EFCAB6: variants seen among roughly 807,000 people sequenced by gnomAD.
EFCAB6 encodes EF-hand calcium-binding domain-containing protein 6.
A neutral mutation model predicts 169.8 loss-of-function variants in EFCAB6; 156 were observed. The observed-to-expected ratio is 0.92, with a 90% CI of 0.81 to 1.05. EFCAB6 has a LOEUF of 1.05. Among genes scored for constraint, EFCAB6 ranks in the 50% least tolerant of loss-of-function variants. The pLI is 0.00. For missense variants in EFCAB6, 1,800 were observed against 1,829.1 expected, an observed-to-expected ratio of 0.98 and a Z score of 0.29; for synonymous variants, 698 against 676.4, an observed-to-expected ratio of 1.03 and a Z score of -0.50.
intron 7 of EFCAB6, 102 bp from the exon 8 acceptor site, chr22:43,731,913 T>C (rs1267730220): frequency 3.4e-6 from 2 of 590,758 alleles, no homozygotes; most frequent in South Asian, 3.9e-5. Context: ...TTAATTTTAA[T>C]GTCTGTTTCT....
chr22:43,640,799 C>T (rs2055746005), intron 17 of EFCAB6, among the ~76,000 whole-genome samples: 1 of 152,154 alleles, frequency 6.6e-6, no homozygotes, highest in Non-Finnish European at 1.5e-5. Context: ...ACTTACTTAA[C>T]ATTGTCCAGT....
chr22:43,660,019 C>A (rs1003741691), intron 17 of EFCAB6, among the ~76,000 whole-genome samples: 1 of 152,162 alleles, frequency 6.6e-6, no homozygotes, highest in African/African-American at 2.4e-5. Flanking sequence ...TGCAGCTCTG[C>A]GTCTGTCTCC....
intron 24 of EFCAB6, among the ~76,000 whole-genome samples, chr22:43,589,395 T>A (rs2051312788): frequency 7.2e-6 from 1 of 138,170 alleles, no homozygotes. Flanking sequence ...GGTAGTGAAA[T>A]AAGGGCTGCA....
At chr22:43,586,326 T>C (rs1602433176) in intron 24 of EFCAB6, among the ~76,000 whole-genome samples, 1 of 141,294 alleles carries the variant, frequency 7.1e-6, no homozygotes, top group South Asian at 2.2e-4. Context: ...CTGTAAACTC[T>C]TGAGCAACAA....
chr22:43,563,226 C>A (rs2049183711), intron 26 of EFCAB6, among the ~76,000 whole-genome samples: 1 of 152,194 alleles, frequency 6.6e-6, no homozygotes, highest in Admixed American at 6.5e-5. Context: ...ACCCAGGGCT[C>A]AGGCTGCCCC....
At chr22:43,621,583 C>T (rs137718) in intron 20 of EFCAB6, among the ~76,000 whole-genome samples, 113,087 of 151,824 alleles carry the variant, frequency 0.74, 42,240 homozygotes, top group Admixed American at 0.81. Context: ...ATTACATTAA[C>T]GGCTTATATG....
chr22:43,665,209 C>T (rs1367125196), intron 17 of EFCAB6, among the ~76,000 whole-genome samples: 1 of 152,100 alleles, frequency 6.6e-6, no homozygotes, highest in East Asian at 1.9e-4. Flanking sequence ...GACTGACATT[C>T]AGGAGTTGCT....
chr22:43,791,161 C>T (rs1194308248), intron 2 of EFCAB6, among the ~76,000 whole-genome samples: 1 of 152,062 alleles, frequency 6.6e-6, no homozygotes, highest in Non-Finnish European at 1.5e-5. Context: ...ATTGCTCGAG[C>T]TCAAGAGTTC....
At position 43,614,177 on chromosome 22, in the gene EFCAB6, CAAAAA is replaced by C. The variant is rs56164555; in HGVS notation, c.2562+1644_2562+1648del. Among the ~76,000 whole-genome samples the C allele has an allele frequency of 1.9e-4, 13 of 68,788 alleles. 1 individual carries two copies. The highest frequency in any genetic ancestry group is 9.3e-4 in the African/African-American group (13 of 13,990). 45.1% of individuals were successfully genotyped at this position (68,788 alleles called of 152,430 possible). On this transcript the variant is annotated intron_variant, in intron 21 of 31. Coordinates refer to ENST00000262726, the MANE Select transcript of EFCAB6 (RefSeq NM_022785.4). ...ACTCAGAATAGCCAACACAATACTG[CAAAAA>C]AAAAAAAAAAAGAACAAACTTGGAG...
At chr22:43,643,745 G>A (rs1435270478) in intron 17 of EFCAB6, among the ~76,000 whole-genome samples, 1 of 152,222 alleles carries the variant, frequency 6.6e-6, no homozygotes, top group African/African-American at 2.4e-5. Context: ...CAGGTCTACA[G>A]CAGGGATAGG....
At chr22:43,569,270 G>T (rs185410657) in intron 26 of EFCAB6, among the ~76,000 whole-genome samples, 1 of 152,248 alleles carries the variant, frequency 6.6e-6, no homozygotes, top group Non-Finnish European at 1.5e-5. Context: ...TCTGTAGCAC[G>T]CTAAGTGAGA....
At chr22:43,543,014 C>T (rs774014877) in intron 27 of EFCAB6, among the ~76,000 whole-genome samples, 35 of 152,114 alleles carry the variant, frequency 2.3e-4, no homozygotes, top group Non-Finnish European at 4.6e-4. Flanking sequence ...ACTCTGCTTA[C>T]GATGTAGAAA....
chr22:43,589,613 C>T (rs1405529393), intron 24 of EFCAB6, among the ~76,000 whole-genome samples: 2 of 152,102 alleles, frequency 1.3e-5, no homozygotes, highest in East Asian at 1.9e-4. Context: ...CGTGGTGAAA[C>T]CCCGTCTCTA....
chr22:43,589,984 G>A (rs17474834), intron 24 of EFCAB6, 90 bp downstream of exon 24: 58,138 of 1,509,434 alleles, frequency 0.039, 1,278 homozygotes, highest in Non-Finnish European at 0.041. Context: ...TCAGAAGGCT[G>A]TTTGGGCGGA....
intron 18 of EFCAB6, among the ~76,000 whole-genome samples, chr22:43,634,869 A>G (rs933802262): frequency 3.3e-5 from 5 of 152,122 alleles, no homozygotes; most frequent in African/African-American, 1.2e-4. Flanking sequence ...TTTCTAAACC[A>G]TTTGTGTTCT....
intron 6 of EFCAB6, among the ~76,000 whole-genome samples, chr22:43,749,317 A>G (rs1260894543): frequency 1.3e-5 from 2 of 152,056 alleles, no homozygotes; most frequent in East Asian, 3.9e-4. Context: ...GGGGCCTCAG[A>G]AGGAGATATA....
chr22:43,530,429 T>A (rs1213699410), intron 31 of EFCAB6: 2 of 826,762 alleles, frequency 2.4e-6, no homozygotes, highest in Non-Finnish European at 2.9e-6. Context: ...TGCAGGCCCC[T>A]TGGAAGGTCC....
chr22:43,671,072 C>T (rs887419187), intron 15 of EFCAB6, among the ~76,000 whole-genome samples: 22 of 152,364 alleles, frequency 1.4e-4, no homozygotes, highest in South Asian at 4.1e-4. Context: ...GGCAGCCCAG[C>T]TGCACAGTCT....
intron 10 of EFCAB6, among the ~76,000 whole-genome samples, chr22:43,696,020 G>C (rs2058564050): frequency 6.6e-6 from 1 of 151,970 alleles, no homozygotes; most frequent in African/African-American, 2.4e-5. Context: ...GAAAATGAAA[G>C]AGCAAGCCAC....
Sources: gnomAD v4.1 joint callset for allele counts (sites outside exome capture counted in the v4.1 genomes callset) on GRCh38, gnomAD v4.1.1 for gene constraint, MANE v1.5 for transcripts, NCBI Gene and HGNC (gene_info 2026-07-23, HGNC 2026-07-21) for gene names.